MCC: variants seen among roughly 807,000 people sequenced by gnomAD.
The protein encoded by MCC is colorectal mutant cancer protein.
MCC carries 90 observed loss-of-function variants against 116.2 expected under a neutral mutation model. That is an observed-to-expected ratio of 0.77 (90% CI 0.65 to 0.92). The LOEUF (loss-of-function observed/expected upper bound fraction) is 0.92. Among genes scored for constraint, MCC ranks in the 40% least tolerant of loss-of-function variants. The probability of loss-of-function intolerance (pLI) is 0.00; values close to 1 mark genes in which losing one functional copy is unlikely to be tolerated. For missense variants in MCC, 1,516 were observed against 1,312.2 expected (o/e 1.16, Z -2.40); for synonymous variants, 578 against 510.5 (o/e 1.13, Z -1.78).
rs181738208 is a variant in MCC, at chr5:113,451,982, C to T, written c.170+36263G>A. On this transcript the variant is annotated intron_variant, in intron 1 of 18. Transcript: ENST00000408903. ...TGGAATGATCAAGATGGCTTCACCC[C>T]CATGTTTGGCTGTAGGCACTGGCTG... Among the ~76,000 whole-genome samples the T allele has an allele frequency of 2.3e-3, 347 of 152,314 alleles. 3 individuals are homozygous for T. Among genetic ancestry groups the T allele is most frequent in the Non-Finnish European group, 2.1e-3 (141 of 68,022 alleles).
chr5:113,144,275 T>C (rs577595830), intron 4 of MCC, among the ~76,000 whole-genome samples: 26 of 152,336 alleles, frequency 1.7e-4, no homozygotes, highest in African/African-American at 6.3e-4. Context: ...TCCACTGCTC[T>C]CAATCCCTTC....
chr5:113,366,707 T>G (rs1405919655), intron 2 of MCC, among the ~76,000 whole-genome samples: 5 of 152,212 alleles, frequency 3.3e-5, no homozygotes, highest in Non-Finnish European at 7.3e-5. Context: ...TTACTTAGAT[T>G]TTAGACTCAT....
At chr5:113,389,482 C>T (rs890837476) in intron 1 of MCC, among the ~76,000 whole-genome samples, 6 of 152,216 alleles carry the variant, frequency 3.9e-5, no homozygotes, top group Non-Finnish European at 8.8e-5. Context: ...GCAGTCCTGG[C>T]AGCCTGCTCA....
Position 113,027,219 on chromosome 5 carries a change from C to T in MCC, c.*83G>A. 1 of 1,450,604 alleles carries T rather than the reference C, an allele frequency of 6.9e-7. No individual in the cohort carries two copies. Among genetic ancestry groups the T allele is most frequent in the Non-Finnish European group, 9.3e-7 (1 of 1,069,684 alleles). The allele number at this position is 1,450,604 out of a possible 1,614,324, so 89.9% of individuals were successfully genotyped here. A position where few individuals can be genotyped will look rare whatever the true frequency, so the allele number is the denominator to read the frequency against. ...CCAGCCTTCCCTTTCCTCCTCCTCC[C>T]AACAAGTACATGGGCCCTTCTGTCC... On this transcript the variant is annotated 3_prime_UTR_variant, in exon 19 of 19. Coordinates refer to ENST00000408903, the MANE Select transcript of MCC (RefSeq NM_001085377.2).
rs77191907 is a variant in MCC, at chr5:113,194,303, G to A, written c.628-42881C>T. Among the ~76,000 whole-genome samples the A allele has an allele frequency of 7.7e-3, 1,168 of 152,198 alleles. 24 individuals carry two copies. Among genetic ancestry groups the A allele is most frequent in the East Asian group, 0.06 (313 of 5,180 alleles). Reference sequence around the variant, plus strand: ...TACATGCAAAACACTCTTGAGAAACGTCTGTTGAATCAGTTAAAGTCCAAC... The same window carrying A: ...TACATGCAAAACACTCTTGAGAAACATCTGTTGAATCAGTTAAAGTCCAAC... On this transcript the variant is annotated intron_variant, in intron 3 of 18. Transcript: ENST00000408903.
intron 8 of MCC, among the ~76,000 whole-genome samples, chr5:113,100,497 A>C (rs1372413325): frequency 1.0e-5 from 1 of 97,908 alleles, no homozygotes; most frequent in Non-Finnish European, 1.9e-5. Flanking sequence ...TTGGACATGG[A>C]GTCTCCTTCT....
At chr5:113,374,126 C>CA (rs1296554373) in intron 2 of MCC, among the ~76,000 whole-genome samples, 1 of 151,984 alleles carries the variant, frequency 6.6e-6, no homozygotes, top group Non-Finnish European at 1.5e-5. Context: ...CCCCTGAGCT[C>CA]AAGTAATCTG....
In MCC at chr5:113,327,793, C is replaced by T. The variant is rs777404893; in HGVS notation, c.627+12726G>A. On this transcript the variant is annotated intron_variant, in intron 3 of 18. Transcript: ENST00000408903. ...ATTATTAGGTTGGTGCAAAAGCAATCGTAGTTTTTGCCATTAAAAGTAATG... is the reference window on the plus strand; with the variant it reads ...ATTATTAGGTTGGTGCAAAAGCAATTGTAGTTTTTGCCATTAAAAGTAATG... Among the ~76,000 whole-genome samples, 250 of 150,308 alleles carry T rather than the reference C, an allele frequency of 1.7e-3. 1 individual carries two copies. Among genetic ancestry groups the T allele is most frequent in the Middle Eastern group, 3.4e-3 (1 of 292 alleles).
intron 3 of MCC, among the ~76,000 whole-genome samples, chr5:113,284,219 A>G (rs1766160108): frequency 6.6e-6 from 1 of 152,182 alleles, no homozygotes; most frequent in Non-Finnish European, 1.5e-5. Context: ...ATGTCTTGGC[A>G]TGTGCCTCTA....
chr5:113,098,448 A>T (rs1212892928), intron 8 of MCC, among the ~76,000 whole-genome samples: 1 of 152,206 alleles, frequency 6.6e-6, no homozygotes, highest in Non-Finnish European at 1.5e-5. Context: ...TTGTGAAATG[A>T]ATGAATGAAG....
intron 3 of MCC, chr5:113,322,941 C>A (rs1156719434): frequency 1.3e-5 from 2 of 152,272 alleles, no homozygotes; most frequent in African/African-American, 4.8e-5. Flanking sequence ...TAGGATACTG[C>A]ATAAATGACA....
intron 1 of MCC, among the ~76,000 whole-genome samples, chr5:113,423,086 C>A (rs1407230368): frequency 6.6e-6 from 1 of 152,182 alleles, no homozygotes; most frequent in Non-Finnish European, 1.5e-5. Context: ...AAGTTCCCAG[C>A]AGAGGCTGAA....
At chr5:113,470,866 A>C (rs1026650965) in intron 1 of MCC, among the ~76,000 whole-genome samples, 3 of 151,904 alleles carry the variant, frequency 2.0e-5, no homozygotes, top group African/African-American at 4.8e-5. Flanking sequence ...TTTCTTGGAG[A>C]CTTTGTTCGT....
At chr5:113,064,763 G>A (rs1753471378) in intron 13 of MCC, among the ~76,000 whole-genome samples, 1 of 152,212 alleles carries the variant, frequency 6.6e-6, no homozygotes, top group Admixed American at 6.5e-5. Context: ...CAGGAGCCAG[G>A]TAAGTGGGCT....
At chr5:113,453,351 G>C (rs774454364) in intron 1 of MCC, among the ~76,000 whole-genome samples, 1 of 152,036 alleles carries the variant, frequency 6.6e-6, no homozygotes, top group Non-Finnish European at 1.5e-5. Context: ...AAATGTTGTA[G>C]AACAGCTTTT....
At chr5:113,188,614 G>T (rs1050224589) in intron 3 of MCC, among the ~76,000 whole-genome samples, 1 of 152,214 alleles carries the variant, frequency 6.6e-6, no homozygotes, top group African/African-American at 2.4e-5. Context: ...TTTCAGAGGA[G>T]TATGGTATAA....
At chr5:113,208,840 C>T (rs961738298) in intron 3 of MCC, among the ~76,000 whole-genome samples, 9 of 152,132 alleles carry the variant, frequency 5.9e-5, no homozygotes, top group African/African-American at 2.2e-4. Context: ...ACATCATGGC[C>T]ACAAAAACAT....
chr5:113,392,623 TA>T (rs1372815305), intron 1 of MCC, among the ~76,000 whole-genome samples: 1 of 152,246 alleles, frequency 6.6e-6, no homozygotes, highest in East Asian at 1.9e-4. Flanking sequence ...ACAATATCTG[TA>T]ACAGCAAAGA....
At chr5:113,329,010 AC>A (rs1208165099) in intron 3 of MCC, among the ~76,000 whole-genome samples, 1 of 152,176 alleles carries the variant, frequency 6.6e-6, no homozygotes, top group Non-Finnish European at 1.5e-5. Flanking sequence ...GTGGAGTCAA[AC>A]AAACCTGGGT....
Sources: gnomAD v4.1 joint callset for allele counts (sites outside exome capture counted in the v4.1 genomes callset) on GRCh38, gnomAD v4.1.1 for gene constraint, MANE v1.5 for transcripts, NCBI Gene and HGNC (gene_info 2026-07-23, HGNC 2026-07-21) for gene names.